SETD7: variants seen among roughly 807,000 people sequenced by gnomAD.
SETD7 encodes the protein SET domain containing 7, histone lysine methyltransferase.
A neutral mutation model predicts 41.8 loss-of-function variants in SETD7; 16 were observed. That is an observed-to-expected ratio of 0.38 (90% CI 0.26 to 0.58). SETD7 has a LOEUF of 0.58. Among genes scored for constraint, SETD7 ranks in the 20% least tolerant of loss-of-function variants. The pLI, the probability that SETD7 is intolerant of heterozygous loss-of-function variation, is 0.64. For synonymous variants in SETD7, 163 were observed against 169.7 expected, an observed-to-expected ratio of 0.96 and a Z score of 0.31; for missense variants, 346 against 459.7, an observed-to-expected ratio of 0.75 and a Z score of 2.26.
intron 6 of SETD7, 90 bp from the exon 7 acceptor site, chr4:139,518,132 T>C (rs980102066): frequency 2.2e-6 from 3 of 1,376,778 alleles, no homozygotes; most frequent in Non-Finnish European, 2.9e-6. Flanking sequence ...TATCTTATTA[T>C]TATTTTTGTT....
At position 139,524,327 on chromosome 4, in the gene SETD7, T is replaced by A. The variant is rs186673726; in HGVS notation, c.563-892A>T. Among the ~76,000 whole-genome samples, 40 of 152,160 alleles carry A rather than the reference T, an allele frequency of 2.6e-4. 1 individual carries two copies. The highest frequency in any genetic ancestry group is 9.4e-4 in the African/African-American group (39 of 41,508). On this transcript the variant is annotated intron_variant, in intron 4 of 7. Transcript: ENST00000274031. ...TCAGTGTCCGCACAGAAACGGACCA[T>A]TTGAGTGTTTCAAAAAGAATTCAGT... is the stretch of plus-strand genomic sequence containing the variant.
intron 3 of SETD7, among the ~76,000 whole-genome samples, chr4:139,530,418 G>A (rs527441873): frequency 1.3e-5 from 2 of 148,356 alleles, no homozygotes; most frequent in South Asian, 2.1e-4. Context: ...ATGAATCATG[G>A]CACTTACATA....
At chr4:139,528,552 C>T (rs967469309) in intron 4 of SETD7, among the ~76,000 whole-genome samples, 5 of 152,182 alleles carry the variant, frequency 3.3e-5, no homozygotes, top group African/African-American at 1.2e-4. Flanking sequence ...GGTGTAATTT[C>T]CCTGTCTCAC....
intron 7 of SETD7, among the ~76,000 whole-genome samples, chr4:139,513,631 T>A (rs1171412740): frequency 1.3e-5 from 2 of 152,174 alleles, no homozygotes; most frequent in African/African-American, 2.4e-5. Context: ...GAAAGGACAC[T>A]TGGTGTCAGA....
At chr4:139,525,116 C>A (rs1235336414) in intron 4 of SETD7, among the ~76,000 whole-genome samples, 1 of 152,196 alleles carries the variant, frequency 6.6e-6, no homozygotes, top group Non-Finnish European at 1.5e-5. Context: ...TGTGCCCAGC[C>A]GTCACTTTTT....
At chr4:139,515,653 G>T (rs939003601) in intron 7 of SETD7, among the ~76,000 whole-genome samples, 2 of 152,148 alleles carry the variant, frequency 1.3e-5, no homozygotes, top group African/African-American at 2.4e-5. Context: ...CATGTCCTTT[G>T]CCATTTCTAC....
intron 1 of SETD7, among the ~76,000 whole-genome samples, chr4:139,554,100 A>C (rs1728189956): frequency 6.6e-6 from 1 of 152,222 alleles, no homozygotes; most frequent in African/African-American, 2.4e-5. Flanking sequence ...CATGTGTCCC[A>C]GATTGCCCCA....
At chr4:139,526,898 G>A (rs1467376549) in intron 4 of SETD7, among the ~76,000 whole-genome samples, 2 of 152,140 alleles carry the variant, frequency 1.3e-5, no homozygotes, top group Non-Finnish European at 2.9e-5. Flanking sequence ...TAGATCAAGG[G>A]CATAGATATC....
In SETD7 at chr4:139,506,197, ATAACACAG is replaced by A. The variant is rs1305349479; in HGVS notation, c.*5458_*5465del. ...CAGACACACTACAAAAAACTCATTC[ATAACACAG>A]TAAGGGCAAACATTATTCATGTAAA... On this transcript the variant is annotated 3_prime_UTR_variant, in exon 8 of 8. Coordinates refer to ENST00000274031, the MANE Select transcript of SETD7 (RefSeq NM_030648.4). 6.5e-6 allele frequency: 1 copy of A among 152,676 alleles called. No individual in the cohort carries two copies. Among genetic ancestry groups the A allele is most frequent in the African/African-American group, 2.4e-5 (1 of 41,464 alleles). 9.5% of individuals were successfully genotyped at this position (152,676 alleles called of 1,614,324 possible).
chr4:139,507,922 C>A lies in SETD7; in HGVS notation c.*3741G>T, dbSNP rs1194378553. On this transcript the variant is annotated 3_prime_UTR_variant, in exon 8 of 8. Transcript: ENST00000274031. ...TTCTAAAACAAAAGATATCTGGATTCTAAGTCACTACTCTTAAGACAGAAG... is the reference window on the plus strand; with the variant it reads ...TTCTAAAACAAAAGATATCTGGATTATAAGTCACTACTCTTAAGACAGAAG... 2.6e-5 allele frequency: 4 copies of A among 152,156 alleles called. No homozygotes were observed. Among genetic ancestry groups the A allele is most frequent in the Admixed American group, 2.6e-4 (4 of 15,278 alleles). 9.4% of individuals were successfully genotyped at this position (152,156 alleles called of 1,614,324 possible). A position where few individuals can be genotyped will look rare whatever the true frequency, so the allele number is the denominator to read the frequency against.
At chr4:139,545,268 C>A (rs888637101) in intron 2 of SETD7, among the ~76,000 whole-genome samples, 1 of 151,970 alleles carries the variant, frequency 6.6e-6, no homozygotes, top group Non-Finnish European at 1.5e-5. Flanking sequence ...AGCTCCCCAG[C>A]AGCTGGGACC....
At chr4:139,535,925 C>T (rs1422605711) in intron 2 of SETD7, among the ~76,000 whole-genome samples, 2 of 152,136 alleles carry the variant, frequency 1.3e-5, no homozygotes, top group Admixed American at 1.3e-4. Context: ...ATATACGTTT[C>T]TTAGACTGGC....
intron 4 of SETD7, among the ~76,000 whole-genome samples, chr4:139,525,617 T>C (rs1044770666): frequency 2.0e-5 from 3 of 152,048 alleles, no homozygotes; most frequent in African/African-American, 7.2e-5. Context: ...AGTAGAGAAT[T>C]AGAAGTAGTT....
intron 7 of SETD7, among the ~76,000 whole-genome samples, chr4:139,513,143 G>A (rs1277695779): frequency 6.6e-6 from 1 of 151,572 alleles, no homozygotes; most frequent in Non-Finnish European, 1.5e-5. Flanking sequence ...TTGGCGGCTG[G>A]ACATGGTGGC....
chr4:139,522,741 C>CTTTTTTTTTTTTTTTTTTTTTTTTTTTT (rs11357611), intron 5 of SETD7, among the ~76,000 whole-genome samples: 1 of 93,450 alleles, frequency 1.1e-5, no homozygotes, highest in Non-Finnish European at 1.9e-5. Flanking sequence ...CCCAGCTGCT[C>CTTTTTTTTTTTTTTTTTTTTTTTTTTTT]TTTTTTTTTT....
chr4:139,525,076 C>T, intron 4 of SETD7, among the ~76,000 whole-genome samples: 1 of 152,200 alleles, frequency 6.6e-6, no homozygotes, highest in East Asian at 1.9e-4. Context: ...CTCAGCCTCC[C>T]AAAGTGCGGG....
chr4:139,498,211 A>G (rs1726501886), intron 7 of SETD7, among the ~76,000 whole-genome samples: 3 of 152,074 alleles, frequency 2.0e-5, no homozygotes, highest in Non-Finnish European at 4.4e-5. Context: ...CTCTGGAGGG[A>G]CTGCCCCCCA....
At chr4:139,503,344 C>T (rs554979566), downstream of SETD7, among the ~76,000 whole-genome samples, 23 of 151,892 alleles carry the variant, frequency 1.5e-4, no homozygotes, top group South Asian at 2.9e-3. Flanking sequence ...GGAGAGCAAG[C>T]GGAGAGAAGG....
intron 1 of SETD7, among the ~76,000 whole-genome samples, chr4:139,554,063 T>C (rs1184977995): frequency 6.6e-6 from 1 of 152,202 alleles, no homozygotes; most frequent in Non-Finnish European, 1.5e-5. Flanking sequence ...GCTGCTCTAA[T>C]TGTTTAGTTA....
Sources: allele counts gnomAD v4.1 joint callset (sites outside exome capture counted in the v4.1 genomes callset), GRCh38; gene constraint gnomAD v4.1.1; transcripts MANE v1.5; gene names NCBI Gene and HGNC (gene_info 2026-07-23, HGNC 2026-07-21).